SMG6: variants seen among roughly 807,000 people sequenced by gnomAD.
SMG6 encodes the protein SMG6 nonsense mediated mRNA decay factor.
In SMG6, 66 loss-of-function variants were observed where a neutral mutation model predicts 142.2. The observed-to-expected ratio is 0.46, with a 90% CI of 0.38 to 0.57. The LOEUF (loss-of-function observed/expected upper bound fraction) is 0.57. SMG6 is among the 20% of genes least tolerant of loss of function. SMG6 has a pLI of 0.00. For synonymous variants in SMG6, 779 were observed against 702.4 expected, an observed-to-expected ratio of 1.11 and a Z score of -1.72; for missense variants, 1,793 against 1,832.0, an observed-to-expected ratio of 0.98 and a Z score of 0.39.
At chr17:2,156,149 G>A (rs969417876) in intron 13 of SMG6, among the ~76,000 whole-genome samples, 4 of 150,852 alleles carry the variant, frequency 2.7e-5, no homozygotes, top group African/African-American at 9.7e-5. Context: ...CAGCACTTCG[G>A]GAAGCTGAGG....
chr17:2,149,913 A>G (rs2070776121), intron 13 of SMG6, among the ~76,000 whole-genome samples: 2 of 152,298 alleles, frequency 1.3e-5, no homozygotes, highest in Admixed American at 1.3e-4. Flanking sequence ...TGTAATCCTA[A>G]AAGGCAGAAC....
chr17:2,184,952 C>A (rs1379039298), intron 12 of SMG6, among the ~76,000 whole-genome samples: 1 of 98,738 alleles, frequency 1.0e-5, no homozygotes, highest in South Asian at 4.2e-4. Context: ...CAGAGCGGGA[C>A]TCCATCTCAA....
intron 10 of SMG6, among the ~76,000 whole-genome samples, chr17:2,222,900 C>T (rs2073217299): frequency 6.6e-6 from 1 of 152,188 alleles, no homozygotes; most frequent in African/African-American, 2.4e-5. Flanking sequence ...AAAAATAATA[C>T]TTACGAAACA....
chr17:2,180,252 T>C (rs1462429845), intron 12 of SMG6, among the ~76,000 whole-genome samples: 1 of 152,124 alleles, frequency 6.6e-6, no homozygotes, highest in Non-Finnish European at 1.5e-5. Context: ...GGCAAGTAGG[T>C]GGGCCCTCCA....
intron 13 of SMG6, chr17:2,087,658 G>A: frequency 1.0e-6 from 1 of 995,374 alleles, no homozygotes; most frequent in Non-Finnish European, 1.2e-6. Context: ...GCCCAGGGCA[G>A]GTAAGCCTGG....
intron 4 of SMG6, among the ~76,000 whole-genome samples, chr17:2,295,716 A>G (rs574176885): frequency 1.4e-4 from 21 of 152,146 alleles, no homozygotes; most frequent in African/African-American, 1.4e-4. Context: ...TCATGAATCT[A>G]TATCACCAGC....
chr17:2,285,999 G>C (rs2074896814), intron 6 of SMG6, among the ~76,000 whole-genome samples: 1 of 151,764 alleles, frequency 6.6e-6, no homozygotes, highest in Non-Finnish European at 1.5e-5. Flanking sequence ...AAAATAGAGA[G>C]AAAGACAGAG....
intron 1 of SMG6, among the ~76,000 whole-genome samples, chr17:2,302,394 A>G (rs1228699618): frequency 2.0e-5 from 3 of 152,152 alleles, no homozygotes; most frequent in African/African-American, 7.2e-5. Flanking sequence ...ACAAAAAATT[A>G]GCCAGGCGTG....
chr17:2,092,565 G>A (rs1166846474), intron 13 of SMG6, among the ~76,000 whole-genome samples: 1 of 152,210 alleles, frequency 6.6e-6, no homozygotes, highest in African/African-American at 2.4e-5. Context: ...GGTGCTGGTG[G>A]GGAGACTATC....
rs190385681 is a variant in SMG6, at chr17:2,211,480, C to T, written c.2870-22965G>A. ...GGGATCGAGACCATCCTAGCTAACACGGTGAAACCCCGTCTCTACTAAAAA... is the reference window on the plus strand; with the variant it reads ...GGGATCGAGACCATCCTAGCTAACATGGTGAAACCCCGTCTCTACTAAAAA... On this transcript the variant is annotated intron_variant, in intron 10 of 18. Transcript: ENST00000263073. Among the ~76,000 whole-genome samples the T allele has an allele frequency of 3.9e-5, 6 of 152,110 alleles. No individual in the cohort carries two copies. The East Asian group carries it at 9.7e-4, about 25-fold the overall frequency.
chr17:2,118,911 T>G (rs1404366962), intron 13 of SMG6, among the ~76,000 whole-genome samples: 1 of 151,734 alleles, frequency 6.6e-6, no homozygotes, highest in Non-Finnish European at 1.5e-5. Flanking sequence ...TTTTTTTTTT[T>G]TTTGACATAG....
chr17:2,246,397 C>A (rs1181642513), intron 8 of SMG6, among the ~76,000 whole-genome samples: 1 of 152,214 alleles, frequency 6.6e-6, no homozygotes, highest in Non-Finnish European at 1.5e-5. Flanking sequence ...CCTGTTTAAT[C>A]CTCTGACAAA....
intron 13 of SMG6, among the ~76,000 whole-genome samples, chr17:2,156,887 G>A (rs931788472): frequency 1.3e-5 from 2 of 152,134 alleles, no homozygotes; most frequent in African/African-American, 4.8e-5. Flanking sequence ...TTCTGGGCTC[G>A]AGCGATCCTC....
chr17:2,184,012 TCACAGACCCAGA>T (rs1293419995), intron 12 of SMG6, among the ~76,000 whole-genome samples: 1 of 151,920 alleles, frequency 6.6e-6, no homozygotes, highest in Non-Finnish European at 1.5e-5. Context: ...GAACACATAC[TCACAGACCCAGA>T]CACAGACACA....
intron 3 of SMG6, among the ~76,000 whole-genome samples, chr17:2,297,581 C>A (rs927373419): frequency 6.6e-6 from 1 of 151,942 alleles, no homozygotes; most frequent in Admixed American, 6.6e-5. Context: ...CACACACACA[C>A]ACACACGCTC....
Position 2,071,434 on chromosome 17 carries a change from G to A in SMG6, c.3682-2503C>T, listed in dbSNP as rs2068096824. ...CAGGACAGAAGAAAAATCTAGAAGC[G>A]AGGTCCAGAGACGCTCTAAATTCCC... On this transcript the variant is annotated intron_variant, in intron 15 of 18. Coordinates refer to ENST00000263073, the MANE Select transcript of SMG6 (RefSeq NM_017575.5). This position sits in a 1 kb window ranked among gnomAD's most constrained non-coding sequence, Gnocchi z 5.6. 6.6e-6 allele frequency among the ~76,000 whole-genome samples: 1 copy of A among 152,212 alleles called. No individual in the cohort carries two copies. The highest frequency in any genetic ancestry group is 2.4e-5 in the African/African-American group (1 of 41,448).
intron 13 of SMG6, among the ~76,000 whole-genome samples, chr17:2,158,643 C>A (rs1359545298): frequency 6.6e-6 from 1 of 152,132 alleles, no homozygotes; most frequent in African/African-American, 2.4e-5. Flanking sequence ...GAAGGCTAAG[C>A]GCCGTGGCTC....
chr17:2,285,654 C>A (rs1007536387), intron 6 of SMG6, among the ~76,000 whole-genome samples: 2 of 152,072 alleles, frequency 1.3e-5, no homozygotes, highest in Admixed American at 6.6e-5. Flanking sequence ...GCCTTGGCAA[C>A]GCAGTGAGAC....
intron 12 of SMG6, among the ~76,000 whole-genome samples, chr17:2,186,460 G>T (rs2307143): frequency 6.6e-6 from 1 of 151,840 alleles, no homozygotes; most frequent in Non-Finnish European, 1.5e-5. Context: ...GTGAGAGGAG[G>T]GGGAAGAGGC....
Sources: allele counts gnomAD v4.1 joint callset (sites outside exome capture counted in the v4.1 genomes callset), GRCh38; gene constraint gnomAD v4.1.1; non-coding constraint Gnocchi (gnomAD v3.1); transcripts MANE v1.5; gene names NCBI Gene and HGNC (gene_info 2026-07-23, HGNC 2026-07-21).